DENND2B: variants seen among roughly 807,000 people sequenced by gnomAD.
DENND2B encodes DENN domain containing 2B.
DENND2B carries 32 observed loss-of-function variants against 116.0 expected under a neutral mutation model. The ratio of observed to expected loss-of-function variants is 0.28; its 90% CI spans 0.21 to 0.37. The LOEUF (loss-of-function observed/expected upper bound fraction) is 0.37, where lower values mean the gene tolerates loss of function less well. Among genes scored for constraint, DENND2B ranks in the 10% least tolerant of loss-of-function variants. The pLI, the probability that DENND2B is intolerant of heterozygous loss-of-function variation, is 1.00. For synonymous variants in DENND2B, 588 were observed against 583.9 expected, an observed-to-expected ratio of 1.01 and a Z score of -0.10; for missense variants, 1,276 against 1,477.7, an observed-to-expected ratio of 0.86 and a Z score of 2.24.
rs567525600 is a variant in DENND2B, at chr11:8,709,363, T to C, written c.2352+1482A>G. On this transcript the variant is annotated intron_variant, in intron 11 of 19. Coordinates refer to ENST00000313726, the MANE Select transcript of DENND2B (RefSeq NM_213618.2). ...AATGCCGAGCTAGTGCCAGCCCCCT[T>C]GGCAGAGACCCAGCCCAGGCCCTCT... Among the ~76,000 whole-genome samples, 17 of 152,116 alleles carry C rather than the reference T, an allele frequency of 1.1e-4. No individual in the cohort carries two copies. The East Asian group carries it at 3.3e-3, about 30-fold the overall frequency.
At chr11:8,734,057 A>T (rs904996700) in intron 2 of DENND2B, among the ~76,000 whole-genome samples, 1 of 152,180 alleles carries the variant, frequency 6.6e-6, no homozygotes, top group African/African-American at 2.4e-5. Flanking sequence ...GAAGCCCCAT[A>T]TCACAGAGAA....
At chr11:8,723,171 A>G (rs1179196835) in intron 4 of DENND2B, among the ~76,000 whole-genome samples, 3 of 152,002 alleles carry the variant, frequency 2.0e-5, no homozygotes, top group Non-Finnish European at 2.9e-5. Context: ...GGGAGCACCC[A>G]GTGTGGCTGC....
chr11:8,840,884 C>G (rs575793112), intron 3 of DENND2B, among the ~76,000 whole-genome samples: 8 of 152,246 alleles, frequency 5.3e-5, no homozygotes, highest in Admixed American at 1.3e-4. Flanking sequence ...TTGCCATCCA[C>G]CAGAATATTC....
At chr11:8,792,494 A>C (rs2059467615) in intron 1 of DENND2B, among the ~76,000 whole-genome samples, 1 of 152,192 alleles carries the variant, frequency 6.6e-6, no homozygotes, top group Admixed American at 6.5e-5. Flanking sequence ...AAGTCAAAAA[A>C]AATTTTTATT....
At chr11:8,895,116 G>A (rs1418392924) in intron 1 of DENND2B, among the ~76,000 whole-genome samples, 1 of 152,080 alleles carries the variant, frequency 6.6e-6, no homozygotes, top group Non-Finnish European at 1.5e-5. Flanking sequence ...GGATGAAGCT[G>A]GAAACCATCA....
chr11:8,866,231 T>C (rs2063576365), intron 2 of DENND2B, among the ~76,000 whole-genome samples: 1 of 152,240 alleles, frequency 6.6e-6, no homozygotes, highest in African/African-American at 2.4e-5. Flanking sequence ...AGTGCTGGGA[T>C]TACAGGCGTG....
chr11:8,808,907 AC>A (rs71452487), intron 1 of DENND2B: 50,591 of 152,046 alleles, frequency 0.33, 10,209 homozygotes, highest in Non-Finnish European at 0.44. Flanking sequence ...TTTCTGCTAT[AC>A]CAACAGAAGG....
intron 16 of DENND2B, 47 bp downstream of exon 16, chr11:8,698,886 T>C (rs778672082): frequency 3.8e-5 from 61 of 1,609,626 alleles, no homozygotes; most frequent in Non-Finnish European, 5.0e-5. Flanking sequence ...TGTGTGATGG[T>C]GCAGGGTGCT....
chr11:8,826,838 G>A (rs1319255005), intron 4 of DENND2B, among the ~76,000 whole-genome samples: 5 of 152,180 alleles, frequency 3.3e-5, no homozygotes, highest in Non-Finnish European at 2.9e-5. Context: ...GTAAAAAGAG[G>A]TCCTTATGAA....
At chr11:8,810,798 T>TCTCTCTCTCTCTCTCTC (rs1247782848), upstream of DENND2B, 1 of 134,760 alleles carries the variant, frequency 7.4e-6, no homozygotes, top group Non-Finnish European at 1.5e-5. Flanking sequence ...TTTTCTTTCT[T>TCTCTCTCTCTCTCTCTC]TCTCACTGTC....
intron 4 of DENND2B, among the ~76,000 whole-genome samples, chr11:8,837,888 G>C (rs2062490316): frequency 6.6e-6 from 1 of 152,170 alleles, no homozygotes; most frequent in Non-Finnish European, 1.5e-5. Flanking sequence ...GATCTGGGCT[G>C]AGTTTCAAAT....
At chr11:8,750,555 T>C (rs2052184840) in intron 2 of DENND2B, 66 bp downstream of exon 2, 4 of 1,369,644 alleles carry the variant, frequency 2.9e-6, no homozygotes, top group African/African-American at 1.4e-5. Context: ...TATTTACATT[T>C]TGGAGGGATC....
chr11:8,818,240 G>A (rs987790972), intron 4 of DENND2B, among the ~76,000 whole-genome samples: 5 of 148,850 alleles, frequency 3.4e-5, no homozygotes, highest in African/African-American at 1.2e-4. Flanking sequence ...TCCAGCCTGG[G>A]CAACACAGTG....
intron 1 of DENND2B, among the ~76,000 whole-genome samples, chr11:8,904,252 G>A (rs1480158257): frequency 6.6e-6 from 1 of 151,546 alleles, no homozygotes; most frequent in Non-Finnish European, 1.5e-5. Context: ...TTCAACACAT[G>A]TTAATAGAAT....
At chr11:8,704,475 A>G (rs971253220) in intron 13 of DENND2B, among the ~76,000 whole-genome samples, 1 of 152,206 alleles carries the variant, frequency 6.6e-6, no homozygotes, top group African/African-American at 2.4e-5. Context: ...AGGGTCCCCT[A>G]TCCTGTGCCC....
chr11:8,794,085 G>C (rs75477297), intron 1 of DENND2B, among the ~76,000 whole-genome samples: 1 of 152,102 alleles, frequency 6.6e-6, no homozygotes, highest in South Asian at 2.1e-4. Flanking sequence ...TCTGCCTTAC[G>C]TATTCCCCAT....
chr11:8,846,956 G>C (rs2062836827), intron 3 of DENND2B, among the ~76,000 whole-genome samples: 1 of 151,884 alleles, frequency 6.6e-6, no homozygotes, highest in Non-Finnish European at 1.5e-5. Context: ...ACACCTACTT[G>C]CTTACAGTTC....
chr11:8,720,567 T>C (rs570671472), intron 4 of DENND2B, among the ~76,000 whole-genome samples: 1 of 152,274 alleles, frequency 6.6e-6, no homozygotes, highest in South Asian at 2.1e-4. Context: ...AAGCCACTAA[T>C]CAGTTCTCCA....
intron 13 of DENND2B, 108 bp downstream of exon 13, chr11:8,706,977 C>G (rs2042715170): frequency 1.4e-6 from 2 of 1,399,070 alleles, no homozygotes; most frequent in African/African-American, 2.9e-5. Flanking sequence ...CATGGTTGAG[C>G]AAGGAGGGAC....
Sources: allele counts gnomAD v4.1 joint callset (sites outside exome capture counted in the v4.1 genomes callset), GRCh38; gene constraint gnomAD v4.1.1; transcripts MANE v1.5; gene names NCBI Gene and HGNC (gene_info 2026-07-23, HGNC 2026-07-21).